Variants in STN1 observed in about 807,000 individuals in gnomAD.
STN1 encodes CST complex subunit STN1.
A neutral mutation model predicts 45.5 loss-of-function variants in STN1; 29 were observed. The ratio of observed to expected loss-of-function variants is 0.64; its 90% CI spans 0.47 to 0.87. STN1 has a LOEUF of 0.87. Among genes scored for constraint, STN1 ranks in the 40% least tolerant of loss-of-function variants. The pLI is 0.00. For missense variants in STN1, 376 were observed against 441.4 expected (o/e 0.85, Z 1.33); for synonymous variants, 148 against 159.0 (o/e 0.93, Z 0.52).
intron 3 of STN1, among the ~76,000 whole-genome samples, chr10:103,906,121 TC>T (rs1266741934): frequency 6.6e-6 from 1 of 152,166 alleles, no homozygotes; most frequent in East Asian, 1.9e-4. Flanking sequence ...AAAGAGTACT[TC>T]CTATACTAAA....
chr10:103,894,360 C>G (rs1184120532), intron 7 of STN1, among the ~76,000 whole-genome samples: 1 of 152,110 alleles, frequency 6.6e-6, no homozygotes, highest in Non-Finnish European at 1.5e-5. Flanking sequence ...TTCCCCCTCC[C>G]AGATTTCAGT....
chr10:103,907,491 A>C (rs960713262), intron 3 of STN1, among the ~76,000 whole-genome samples: 1 of 152,170 alleles, frequency 6.6e-6, no homozygotes, highest in South Asian at 2.1e-4. Context: ...GTTGACTGTA[A>C]GCCTAATTTC....
intron 2 of STN1, among the ~76,000 whole-genome samples, chr10:103,913,385 C>T (rs145537921): frequency 6.6e-6 from 1 of 152,110 alleles, no homozygotes; most frequent in African/African-American, 2.4e-5. Flanking sequence ...ACAACAATGA[C>T]TTGCCTTTAA....
At chr10:103,897,357 C>T (rs1348210440) in intron 7 of STN1, among the ~76,000 whole-genome samples, 191 bp downstream of exon 7, 1 of 151,878 alleles carries the variant, frequency 6.6e-6, no homozygotes, top group African/African-American at 2.4e-5. Flanking sequence ...GCAGGTCCAG[C>T]CTTATGCCTC....
At position 103,897,689 on chromosome 10, in the gene STN1, G is replaced by C. The variant is rs1374007442; in HGVS notation, c.612C>G (p.Leu204=). The C allele has an allele frequency of 6.2e-7, 1 of 1,614,204 alleles. No individual in the cohort carries two copies. The highest frequency in any genetic ancestry group is 1.7e-5 in the Admixed American group (1 of 60,036). ...SNPGALDLPS[L]TSLLSEKAKE... Reference sequence around the variant, plus strand: ...TGGCTTTTTCACTCAGCAAACTCGTGAGACTGGGGAGGTCCAGGGCGCCTG... The same window carrying C: ...TGGCTTTTTCACTCAGCAAACTCGTCAGACTGGGGAGGTCCAGGGCGCCTG... Residue 204 remains leucine, a synonymous_variant, in exon 7 of 10, where the codon CTC becomes CTG. Transcript: ENST00000224950.
chr10:103,900,181 A>G lies in STN1; in HGVS notation c.338T>C (p.Leu113Pro). The G allele has an allele frequency of 6.2e-7, 1 of 1,614,130 alleles. No individual in the cohort carries two copies. The highest frequency in any genetic ancestry group is 8.5e-7 in the Non-Finnish European group (1 of 1,180,016). Residue 113 changes from leucine to proline, a missense_variant, in exon 5 of 10, where the codon CTT becomes CCT. Leu to Pro is a moderately conservative substitution (Grantham distance 98). Transcript: ENST00000224950. ...CTCAATGGTCTCTTGTAGCTTCTTAAGTTGTGAGGTTAAGCTGAGCTCTCT... is the reference window on the plus strand; with the variant it reads ...CTCAATGGTCTCTTGTAGCTTCTTAGGTTGTGAGGTTAAGCTGAGCTCTCT... Reference protein sequence around the residue: ...AARELSLTSQLKKLQETIEQK... With the variant: ...AARELSLTSQPKKLQETIEQK...
intron 1 of STN1, among the ~76,000 whole-genome samples, chr10:103,917,893 G>T (rs1232919464): frequency 6.6e-6 from 1 of 152,186 alleles, no homozygotes; most frequent in African/African-American, 2.4e-5. Flanking sequence ...ACTTCGGAAC[G>T]GCTAAACATC....
chr10:103,880,933 C>A lies in STN1; in HGVS notation c.*1751G>T, dbSNP rs140519469. On this transcript the variant is annotated 3_prime_UTR_variant, in exon 10 of 10. Transcript: ENST00000224950. Reference sequence around the variant, plus strand: ...TGCTACATTTATAAAGACCTCCATGCAGAAATATACACTCTCTCTACGGAT... The same window carrying A: ...TGCTACATTTATAAAGACCTCCATGAAGAAATATACACTCTCTCTACGGAT... Among the ~76,000 whole-genome samples the A allele has an allele frequency of 2.2e-3, 342 of 152,168 alleles. No individual in the cohort carries two copies. Among genetic ancestry groups the A allele is most frequent in the Non-Finnish European group, 3.7e-3 (254 of 67,992 alleles).
At position 103,881,452 on chromosome 10, in the gene STN1, A is replaced by G. The variant is rs1210503760; in HGVS notation, c.*1232T>C. Among the ~76,000 whole-genome samples the G allele has an allele frequency of 6.6e-6, 1 of 152,242 alleles. No individual in the cohort carries two copies. The highest frequency in any genetic ancestry group is 6.5e-5 in the Admixed American group (1 of 15,286). On this transcript the variant is annotated 3_prime_UTR_variant, in exon 10 of 10. Transcript: ENST00000224950. ...AGAGAAGATGCAGGGCAGCCACTAC[A>G]TAATCACTGTTAGAAATCAGCAAAG...
intron 2 of STN1, among the ~76,000 whole-genome samples, chr10:103,911,386 G>A (rs1449036280): frequency 2.0e-5 from 3 of 152,046 alleles, no homozygotes; most frequent in Non-Finnish European, 2.9e-5. Flanking sequence ...AACCTAACCC[G>A]AGCTCCCCAC....
chr10:103,897,648 T>C lies in STN1; in HGVS notation c.653A>G (p.Glu218Gly), dbSNP rs764804533. Residue 218 changes from glutamate (E) to glycine (G), a missense_variant, in exon 7 of 10, where the codon GAG becomes GGG. Coordinates refer to ENST00000224950, the MANE Select transcript of STN1 (RefSeq NM_024928.5). The stretch of plus-strand genomic sequence containing the variant: ...CTGGTAAAAGCTCTGCACTCTGTTC[T>C]CCATGAGGAATTCTTTGGCTTTTTC... ...LSEKAKEFLM[E>G]NRVQSFYQQE... The C allele has an allele frequency of 6.2e-7, 1 of 1,614,214 alleles. No individual in the cohort carries two copies.
At chr10:103,891,262 T>C (rs1324815846) in intron 8 of STN1, among the ~76,000 whole-genome samples, 1 of 152,140 alleles carries the variant, frequency 6.6e-6, no homozygotes. Flanking sequence ...GTCTAAAAAA[T>C]ACACAACAGG....
At chr10:103,909,175 T>TA (rs1843263953) in intron 3 of STN1, among the ~76,000 whole-genome samples, 1 of 151,350 alleles carries the variant, frequency 6.6e-6, no homozygotes, top group African/African-American at 2.4e-5. Flanking sequence ...TTGTTGGCAT[T>TA]TGGAGAGGAA....
chr10:103,910,834 T>C (rs1455956091), intron 2 of STN1, among the ~76,000 whole-genome samples: 1 of 152,122 alleles, frequency 6.6e-6, no homozygotes, highest in Non-Finnish European at 1.5e-5. Flanking sequence ...AGCTTGGCAT[T>C]AAAGCTTGCA....
At chr10:103,909,255 T>G (rs1051887353) in intron 3 of STN1, among the ~76,000 whole-genome samples, 1 of 149,676 alleles carries the variant, frequency 6.7e-6, no homozygotes, top group Non-Finnish European at 1.5e-5. Flanking sequence ...AAATATTTGT[T>G]GAGTTGTCTG....
intron 5 of STN1, among the ~76,000 whole-genome samples, chr10:103,899,322 G>A (rs193108955): frequency 4.8e-4 from 73 of 152,370 alleles, no homozygotes; most frequent in African/African-American, 1.9e-4. Context: ...CAGCCAGCAC[G>A]TGCAAAGGGA....
rs1843062846 is a variant in STN1, at chr10:103,880,702, C to A, written c.*1982G>T. 6.6e-6 allele frequency among the ~76,000 whole-genome samples: 1 copy of A among 152,170 alleles called. No homozygotes were observed. Among genetic ancestry groups the A allele is most frequent in the Non-Finnish European group, 1.5e-5 (1 of 68,030 alleles). On this transcript the variant is annotated 3_prime_UTR_variant, in exon 10 of 10. Transcript: ENST00000224950. The stretch of plus-strand genomic sequence containing the variant: ...TTAGACAGCATGTAGATGGTATAAT[C>A]CATGTGGCTGCTGGAGACACCCCAG...
chr10:103,909,494 G>GTATATA (rs1564635144), intron 3 of STN1, among the ~76,000 whole-genome samples: 5 of 50,084 alleles, frequency 1.0e-4, no homozygotes, highest in South Asian at 1.1e-3. Context: ...ATATGTGTGT[G>GTATATA]TGTATATGTA....
Position 103,917,589 on chromosome 10 carries a change from C to T in STN1, c.6G>A (p.Gln2=). The T allele has an allele frequency of 6.2e-7, 1 of 1,613,784 alleles. No homozygotes were observed. The highest frequency in any genetic ancestry group is 1.7e-5 in the Admixed American group (1 of 59,956). The part of the protein sequence containing the change: M[Q]PGSSRCEEET... ...CCTCTTCACACCGGCTGGATCCAGG[C>T]TGCATCAAGAGGCAGGGCTGTGGCT... Residue 2 remains glutamine, a synonymous_variant, in exon 2 of 10, where the codon CAG becomes CAA. Transcript: ENST00000224950.
Sources: gnomAD v4.1 joint callset for allele counts (sites outside exome capture counted in the v4.1 genomes callset) on GRCh38, gnomAD v4.1.1 for gene constraint, MANE v1.5 for transcripts, NCBI Gene and HGNC (gene_info 2026-07-23, HGNC 2026-07-21) for gene names.